Variants in C2CD3 observed in about 807,000 individuals in gnomAD.
C2CD3 encodes C2 domain-containing protein 3.
C2CD3 carries 148 observed loss-of-function variants against 234.0 expected under a neutral mutation model. That is an observed-to-expected ratio of 0.63 (90% CI 0.55 to 0.72). C2CD3 has a LOEUF of 0.72. Ranked by LOEUF, C2CD3 falls within the 30% of genes least tolerant of loss-of-function variation. The probability of loss-of-function intolerance (pLI) is 0.00; values close to 1 mark genes in which losing one functional copy is unlikely to be tolerated. For synonymous variants in C2CD3, 1,000 were observed against 1,035.4 expected (o/e 0.97, Z 0.66); for missense variants, 2,577 against 2,811.5 (o/e 0.92, Z 1.89).
In C2CD3 at chr11:74,138,967, CCT is replaced by C. The variant is rs769076549; in HGVS notation, c.708-2_708-1del. ...CTGCAAAGCATACATGGTCTTTTCC[CCT>C]GTTTTTTTAAAAAGGGAGAACATCA... On this transcript the variant is annotated splice_acceptor_variant, in intron 4 of 32. Transcript: ENST00000334126. LOFTEE classifies it high-confidence loss of function. The C allele has an allele frequency of 1.2e-5, 20 of 1,602,644 alleles. No homozygotes were observed. The highest frequency in any genetic ancestry group is 1.7e-4 in the Middle Eastern group (1 of 6,004).
intron 3 of C2CD3, among the ~76,000 whole-genome samples, chr11:74,159,340 G>A (rs1856278197): frequency 6.6e-6 from 1 of 152,090 alleles, no homozygotes; most frequent in South Asian, 2.1e-4. Flanking sequence ...CTGTACAACA[G>A]CCTCAGGCAG....
At chr11:74,164,607 T>C (rs1250906713) in intron 2 of C2CD3, among the ~76,000 whole-genome samples, 1 of 152,226 alleles carries the variant, frequency 6.6e-6, no homozygotes, top group African/African-American at 2.4e-5. Context: ...GCATGCTTTC[T>C]AGTGCTCTGC....
chr11:74,049,512 A>G lies in C2CD3; in HGVS notation c.5186T>C (p.Val1729Ala). ...GCCAGAGAGAAGTGGGGAGAGGTCC[A>G]CCGAGGCAAAGCCAATCACCCTCTC... ...DEERVIGFAS[V>A]DLSPLLSGFQ... is the part of the protein sequence containing the mutation. The change falls in exon 27 of 33, where the codon GTG (valine) becomes GCG (alanine). Residue 1729 changes from valine to alanine, a missense_variant. Physicochemically the swap from Val to Ala is moderately conservative, Grantham distance 64. Transcript: ENST00000334126. 2 of 1,612,538 alleles carry G rather than the reference A, an allele frequency of 1.2e-6. No homozygotes were observed. Among genetic ancestry groups the G allele is most frequent in the Non-Finnish European group, 1.7e-6 (2 of 1,179,974 alleles).
At chr11:74,122,252 G>A (rs1957242189) in intron 8 of C2CD3, among the ~76,000 whole-genome samples, 1 of 152,060 alleles carries the variant, frequency 6.6e-6, no homozygotes, top group African/African-American at 2.4e-5. Flanking sequence ...TTCAATCTCA[G>A]TTAAAACCCT....
intron 24 of C2CD3, among the ~76,000 whole-genome samples, chr11:74,060,402 C>T (rs1954177503): frequency 6.6e-6 from 1 of 152,194 alleles, no homozygotes; most frequent in South Asian, 2.1e-4. Context: ...CAGCTGGGTT[C>T]CCCTTTGAGA....
chr11:74,161,615 G>C, intron 2 of C2CD3, 59 bp from the exon 3 acceptor site: 1 of 1,249,634 alleles, frequency 8.0e-7, no homozygotes, highest in South Asian at 1.6e-5. Flanking sequence ...TCTTTTTTAA[G>C]ACGTGGGTAG....
In C2CD3 at chr11:74,098,129, C is replaced by T. The variant is rs1956178948; in HGVS notation, c.2859G>A (p.Met953Ile). Residue 953 changes from methionine to isoleucine, a missense_variant, in exon 16 of 33, where the codon ATG becomes ATA. Coordinates refer to ENST00000334126, the MANE Select transcript of C2CD3 (RefSeq NM_001286577.2). ...QNGSLRVFLA[M>I]GSSNQIMALQ... Reference sequence around the variant, plus strand: ...GTGCCATTATTTGATTTGAAGAACCCATAGCTAAAAAGACTCGAAGACTCC... The same window carrying T: ...GTGCCATTATTTGATTTGAAGAACCTATAGCTAAAAAGACTCGAAGACTCC... 7.4e-6 allele frequency: 12 copies of T among 1,614,016 alleles called. No individual in the cohort carries two copies. Among genetic ancestry groups the T allele is most frequent in the Non-Finnish European group, 1.0e-5 (12 of 1,179,976 alleles).
In C2CD3 at chr11:74,078,499, C is replaced by T. The variant is rs1955175876; in HGVS notation, c.4219G>A (p.Val1407Ile). Residue 1407 changes from valine (V) to isoleucine (I), a missense_variant, in exon 23 of 33, where the codon GTC becomes ATC. Transcript: ENST00000334126. ...CACAGCCTTGGGGTGGAGATGGTGA[C>T]AGTGGCTGGCTCCCCTTCATCCATT... ...VRMDEGEPAT[V>I]TISTPRLWLP... 1.9e-6 allele frequency: 3 copies of T among 1,614,074 alleles called. No individual in the cohort carries two copies. Among genetic ancestry groups the T allele is most frequent in the East Asian group, 4.5e-5 (2 of 44,890 alleles).
intron 3 of C2CD3, among the ~76,000 whole-genome samples, chr11:74,144,344 C>T (rs79328816): frequency 0.045 from 6,844 of 152,212 alleles, 484 homozygotes; most frequent in African/African-American, 0.15. Flanking sequence ...AGCAGTTTCA[C>T]CTACCAATGA....
intron 3 of C2CD3, among the ~76,000 whole-genome samples, chr11:74,149,029 G>T (rs1855413157): frequency 6.6e-6 from 1 of 152,116 alleles, no homozygotes; most frequent in Admixed American, 6.6e-5. Flanking sequence ...CTCACAGGCG[G>T]CCACTTTCAA....
At chr11:74,155,919 T>C (rs867628723) in intron 3 of C2CD3, among the ~76,000 whole-genome samples, 16 of 152,068 alleles carry the variant, frequency 1.1e-4, no homozygotes, top group African/African-American at 2.4e-4. Flanking sequence ...CATGGGAAGA[T>C]TGCTGGAGCT....
chr11:74,057,657 C>A lies in C2CD3; in HGVS notation c.4952-113G>T, dbSNP rs1378670682. The A allele has an allele frequency of 3.8e-6, 4 of 1,065,752 alleles. No individual in the cohort carries two copies. In the South Asian group the frequency reaches 4.4e-5, roughly 12 times the overall value. The allele number at this position is 1,065,752 out of a possible 1,614,324, so 66.0% of individuals were successfully genotyped here. On this transcript the variant is annotated intron_variant, in intron 24 of 32. Coordinates refer to ENST00000334126, the MANE Select transcript of C2CD3 (RefSeq NM_001286577.2). ...CTCTTCTTCCTATGGGGTCTTTGCTCAAGCTATCCCCCTGTGTCTGAAATG... is the reference window on the plus strand; with the variant it reads ...CTCTTCTTCCTATGGGGTCTTTGCTAAAGCTATCCCCCTGTGTCTGAAATG...
At chr11:74,026,128 C>G (rs1565205118) in intron 32 of C2CD3, among the ~76,000 whole-genome samples, 1 of 152,216 alleles carries the variant, frequency 6.6e-6, no homozygotes, top group East Asian at 1.9e-4. Context: ...CTGGGCAACA[C>G]AGTGAGACCC....
chr11:74,022,024 G>A (rs1952107856), intron 32 of C2CD3, among the ~76,000 whole-genome samples: 1 of 152,164 alleles, frequency 6.6e-6, no homozygotes, highest in South Asian at 2.1e-4. Context: ...TACTGGGGAG[G>A]CTGAGGCAGG....
intron 11 of C2CD3, among the ~76,000 whole-genome samples, chr11:74,110,767 A>G (rs1956711774): frequency 6.6e-6 from 1 of 152,254 alleles, no homozygotes; most frequent in African/African-American, 2.4e-5. Context: ...GTGAAGAAGA[A>G]ATTCAGGTAA....
chr11:74,153,557 TG>T (rs1855819328), intron 3 of C2CD3, among the ~76,000 whole-genome samples: 1 of 152,110 alleles, frequency 6.6e-6, no homozygotes, highest in African/African-American at 2.4e-5. Flanking sequence ...GCCAAACAAA[TG>T]GAGAAATATA....
chr11:74,113,314 A>T (rs1040131284), intron 11 of C2CD3: 2 of 156,460 alleles, frequency 1.3e-5, no homozygotes, highest in Non-Finnish European at 2.8e-5. Flanking sequence ...AGCGAATGCT[A>T]GTAAGTATGG....
At chr11:74,071,982 A>C (rs1233732440) in intron 24 of C2CD3, among the ~76,000 whole-genome samples, 2 of 152,086 alleles carry the variant, frequency 1.3e-5, no homozygotes, top group Non-Finnish European at 2.9e-5. Flanking sequence ...CATATACCAT[A>C]TCTTTTGTAT....
chr11:74,089,994 G>C (rs1163617755), intron 20 of C2CD3, among the ~76,000 whole-genome samples: 1 of 152,218 alleles, frequency 6.6e-6, no homozygotes, highest in African/African-American at 2.4e-5. Flanking sequence ...AAGGGAAAGG[G>C]CTGTGCTGTT....
Sources: gnomAD v4.1 joint callset for allele counts (sites outside exome capture counted in the v4.1 genomes callset) on GRCh38, gnomAD v4.1.1 for gene constraint, MANE v1.5 for transcripts, NCBI Gene and HGNC (gene_info 2026-07-23, HGNC 2026-07-21) for gene names.